The following DOCK2 variants were observed in gnomAD, a reference collection of about 807,000 sequenced individuals.
DOCK2 encodes dedicator of cytokinesis protein 2.
DOCK2 carries 87 observed loss-of-function variants against 248.9 expected under a neutral mutation model. The ratio of observed to expected loss-of-function variants is 0.35; its 90% CI spans 0.29 to 0.42. DOCK2 has a LOEUF of 0.42. DOCK2 is among the 10% of genes least tolerant of loss of function. DOCK2 has a pLI of 1.00. For synonymous variants in DOCK2, 805 were observed against 821.6 expected, an observed-to-expected ratio of 0.98 and a Z score of 0.35; for missense variants, 1,747 against 2,300.2, an observed-to-expected ratio of 0.76 and a Z score of 4.92.
rs1363268347 is a variant in DOCK2, at chr5:170,069,019, A to G, written c.4645-118A>G. The stretch of plus-strand genomic sequence containing the variant: ...CAGACCTGTTACTCTTGTTCCATCC[A>G]CATGCCTGTGACCTCATCCTTGCCC... On this transcript the variant is annotated intron_variant, in intron 45 of 51. Coordinates refer to ENST00000520908, the MANE Select transcript of DOCK2 (RefSeq NM_004946.3). 1.8e-5 allele frequency: 15 copies of G among 821,662 alleles called. No individual in the cohort carries two copies. The Admixed American group carries it at 3.0e-4, about 17-fold the overall frequency. 50.9% of individuals were successfully genotyped at this position (821,662 alleles called of 1,614,324 possible).
At position 169,694,977 on chromosome 5, in the gene DOCK2, A is replaced by G. The variant is rs140592808; in HGVS notation, c.844-826A>G. On this transcript the variant is annotated intron_variant, in intron 9 of 51. Coordinates refer to ENST00000520908, the MANE Select transcript of DOCK2 (RefSeq NM_004946.3). ...GTGACAGAGTGAAGCCCTGTCTCAA[A>G]ATAAATAAAATAAATAAATAAACAA... 3.9e-4 allele frequency among the ~76,000 whole-genome samples: 59 copies of G among 152,298 alleles called. No individual in the cohort carries two copies. The East Asian group carries it at 0.011, about 27-fold the overall frequency.
At chr5:169,745,270 C>T (rs1423799279) in intron 22 of DOCK2, among the ~76,000 whole-genome samples, 2 of 152,182 alleles carry the variant, frequency 1.3e-5, no homozygotes, top group East Asian at 3.8e-4. Context: ...ATCTTTTCTA[C>T]TTTGATGACA....
At chr5:170,039,096 C>G (rs376883413) in intron 36 of DOCK2, among the ~76,000 whole-genome samples, 4 of 152,174 alleles carry the variant, frequency 2.6e-5, no homozygotes, top group African/African-American at 9.7e-5. Flanking sequence ...CTGGCTCTGG[C>G]TCTTTTAACC....
chr5:169,690,029 T>A (rs1017050183), intron 9 of DOCK2, among the ~76,000 whole-genome samples: 1 of 151,880 alleles, frequency 6.6e-6, no homozygotes, highest in Non-Finnish European at 1.5e-5. Flanking sequence ...TCATCCTGTT[T>A]CCATAAGGGT....
chr5:169,936,996 G>A (rs1776028955), intron 27 of DOCK2, among the ~76,000 whole-genome samples: 1 of 152,138 alleles, frequency 6.6e-6, no homozygotes, highest in Non-Finnish European at 1.5e-5. Flanking sequence ...TGCAAAAATG[G>A]TAGCTTGAAC....
chr5:169,788,943 A>T (rs1296577750), intron 25 of DOCK2, among the ~76,000 whole-genome samples: 1 of 152,134 alleles, frequency 6.6e-6, no homozygotes, highest in African/African-American at 2.4e-5. Context: ...TCACCCAGGT[A>T]TTAAGCCTAA....
At chr5:170,039,167 G>C (rs1188679444) in intron 36 of DOCK2, among the ~76,000 whole-genome samples, 4 of 152,154 alleles carry the variant, frequency 2.6e-5, no homozygotes, top group African/African-American at 9.7e-5. Flanking sequence ...AAAAATACAT[G>C]ATAATAAAAC....
intron 30 of DOCK2, among the ~76,000 whole-genome samples, chr5:170,004,435 G>A (rs1581520046): frequency 6.6e-6 from 1 of 152,132 alleles, no homozygotes; most frequent in Non-Finnish European, 1.5e-5. Flanking sequence ...GTGATGATGA[G>A]CATTTTTTCA....
chr5:169,687,328 A>G (rs1474155784), intron 8 of DOCK2, among the ~76,000 whole-genome samples: 3 of 152,210 alleles, frequency 2.0e-5, no homozygotes, highest in African/African-American at 7.2e-5. Flanking sequence ...AGATCCACTT[A>G]ACTTGATTGA....
At chr5:169,674,580 G>A (rs1581013244) in intron 6 of DOCK2, 135 bp downstream of exon 6, 4 of 1,367,352 alleles carry the variant, frequency 2.9e-6, no homozygotes, top group Non-Finnish European at 3.0e-6. Flanking sequence ...GTGACCAATG[G>A]CTGTGCTTGC....
chr5:169,702,697 G>GTATGTATT (rs149069079), intron 14 of DOCK2: 107 of 205,770 alleles, frequency 5.2e-4, no homozygotes, highest in East Asian at 2.0e-3. Flanking sequence ...ATGTATGTAT[G>GTATGTATT]TATTTATTTA....
chr5:169,809,939 T>C (rs1472375591), intron 26 of DOCK2, among the ~76,000 whole-genome samples: 2 of 152,200 alleles, frequency 1.3e-5, no homozygotes, highest in African/African-American at 2.4e-5. Context: ...CCATGTCTCT[T>C]GTGGTCCAAG....
At chr5:169,658,211 A>G (rs997947910) in intron 2 of DOCK2, among the ~76,000 whole-genome samples, 1 of 152,170 alleles carries the variant, frequency 6.6e-6, no homozygotes, top group African/African-American at 2.4e-5. Context: ...AAGATTAAAT[A>G]AAATTTTTAT....
intron 27 of DOCK2, among the ~76,000 whole-genome samples, chr5:169,948,879 C>G (rs963459097): frequency 6.6e-6 from 1 of 151,960 alleles, no homozygotes; most frequent in African/African-American, 2.4e-5. Context: ...GTCATTCGTC[C>G]CTGCCTCCTC....
At chr5:169,885,516 A>C (rs1159518161) in intron 27 of DOCK2, among the ~76,000 whole-genome samples, 2 of 152,200 alleles carry the variant, frequency 1.3e-5, no homozygotes, top group African/African-American at 4.8e-5. Context: ...TTCTCCCCTG[A>C]TGTCTTCATT....
At chr5:170,067,061 C>A (rs571632086) in intron 44 of DOCK2, among the ~76,000 whole-genome samples, 2 of 152,256 alleles carry the variant, frequency 1.3e-5, no homozygotes, top group African/African-American at 4.8e-5. Flanking sequence ...AGTGAATCTA[C>A]CTTGGAACAG....
intron 33 of DOCK2, among the ~76,000 whole-genome samples, chr5:170,024,166 G>C (rs925556403): frequency 6.6e-6 from 1 of 152,106 alleles, no homozygotes; most frequent in Admixed American, 6.5e-5. Flanking sequence ...ACAAATCTGT[G>C]GATACTCATT....
chr5:169,671,045 A>G (rs1291855713), intron 4 of DOCK2, 33 bp from the exon 5 acceptor site: 2 of 1,603,522 alleles, frequency 1.2e-6, no homozygotes, highest in South Asian at 1.1e-5. Context: ...CTGGGTCTCA[A>G]TTTCACACCA....
At chr5:169,918,071 T>A (rs1235624710) in intron 27 of DOCK2, among the ~76,000 whole-genome samples, 2 of 152,192 alleles carry the variant, frequency 1.3e-5, no homozygotes, top group Non-Finnish European at 2.9e-5. Flanking sequence ...TATTCTACCC[T>A]TCCTATTTTG....
Sources: gnomAD v4.1 joint callset for allele counts (sites outside exome capture counted in the v4.1 genomes callset) on GRCh38, gnomAD v4.1.1 for gene constraint, MANE v1.5 for transcripts, NCBI Gene and HGNC (gene_info 2026-07-23, HGNC 2026-07-21) for gene names.